TSPAN5: variants seen among roughly 807,000 people sequenced by gnomAD.
The protein encoded by TSPAN5 is tetraspanin-5.
Under a neutral mutation model 37.1 loss-of-function variants are expected in TSPAN5, and 10 were observed. The observed-to-expected ratio is 0.27, with a 90% CI of 0.17 to 0.46. The LOEUF is 0.46. Among genes scored for constraint, TSPAN5 ranks in the 20% least tolerant of loss-of-function variants. The pLI, the probability that TSPAN5 is intolerant of heterozygous loss-of-function variation, is 1.00. For missense variants in TSPAN5, 195 were observed against 326.6 expected, an observed-to-expected ratio of 0.60 and a Z score of 3.11; for synonymous variants, 110 against 118.9, an observed-to-expected ratio of 0.93 and a Z score of 0.48.
At position 98,658,381 on chromosome 4, in the gene TSPAN5, G is replaced by A. The variant is rs1757339037; in HGVS notation, c.-155C>T. The stretch of plus-strand genomic sequence containing the variant: ...GGCTCAGCCGCGCGGGGACCGACCG[G>A]CGGAGAGCGGCTCCCGCACCTCCAG... On this transcript the variant is annotated 5_prime_UTR_variant, in exon 1 of 8. Coordinates refer to ENST00000305798, the MANE Select transcript of TSPAN5 (RefSeq NM_005723.4). The A allele has an allele frequency of 2.1e-6, 1 of 485,006 alleles. No homozygotes were observed. The highest frequency in any genetic ancestry group is 3.5e-6 in the Non-Finnish European group (1 of 284,908). 30.0% of individuals were successfully genotyped at this position (485,006 alleles called of 1,614,324 possible).
At chr4:98,476,119 C>A in intron 7 of TSPAN5, 70 bp downstream of exon 7, 1 of 1,232,774 alleles carries the variant, frequency 8.1e-7, no homozygotes. Context: ...TTAAGCAAAG[C>A]TCCGATCCTG....
At chr4:98,544,296 C>T (rs1249685993) in intron 1 of TSPAN5, among the ~76,000 whole-genome samples, 1 of 152,176 alleles carries the variant, frequency 6.6e-6, no homozygotes, top group African/African-American at 2.4e-5. Context: ...CCCTCAATTT[C>T]ACTGGCTCCA....
chr4:98,643,580 CT>C (rs796639790), intron 1 of TSPAN5, among the ~76,000 whole-genome samples: 39 of 152,242 alleles, frequency 2.6e-4, no homozygotes, highest in African/African-American at 8.9e-4. Context: ...AATAGTGACT[CT>C]GTATCTTTAA....
chr4:98,495,050 C>T (rs6532736), intron 2 of TSPAN5, among the ~76,000 whole-genome samples: 66,899 of 151,942 alleles, frequency 0.44, 14,942 homozygotes, highest in Admixed American at 0.51. Context: ...AGCAGTGGTG[C>T]TGCCACGATG....
At position 98,658,333 on chromosome 4, in the gene TSPAN5, G is replaced by A; in HGVS notation, c.-107C>T. On this transcript the variant is annotated 5_prime_UTR_variant, in exon 1 of 8. Transcript: ENST00000305798. ...GAGCAGGAGCTCAGGGACACCGCAC[G>A]GGGCCGCGGCGCTGGCGGCCTGGGC... is the stretch of plus-strand genomic sequence containing the variant. 4.4e-6 allele frequency: 4 copies of A among 917,150 alleles called. No individual in the cohort carries two copies. Among genetic ancestry groups the A allele is most frequent in the East Asian group, 5.1e-5 (2 of 38,916 alleles). 56.8% of individuals were successfully genotyped at this position (917,150 alleles called of 1,614,324 possible).
intron 1 of TSPAN5, among the ~76,000 whole-genome samples, chr4:98,527,698 C>A (rs1276736663): frequency 6.6e-6 from 1 of 152,208 alleles, no homozygotes; most frequent in African/African-American, 2.4e-5. Flanking sequence ...TCTGATCCTA[C>A]CTACCTCCGG....
At chr4:98,532,009 G>A (rs1754104822) in intron 1 of TSPAN5, among the ~76,000 whole-genome samples, 1 of 152,146 alleles carries the variant, frequency 6.6e-6, no homozygotes, top group Non-Finnish European at 1.5e-5. Flanking sequence ...CTTGTAGGTT[G>A]CCTGTTCACT....
chr4:98,561,195 A>G (rs900029000), intron 1 of TSPAN5, among the ~76,000 whole-genome samples: 1 of 152,252 alleles, frequency 6.6e-6, no homozygotes, highest in South Asian at 2.1e-4. Flanking sequence ...ACCCTTTCAC[A>G]TAAAACGGAA....
intron 1 of TSPAN5, among the ~76,000 whole-genome samples, chr4:98,643,781 A>C (rs1047244318): frequency 6.6e-6 from 1 of 152,224 alleles, no homozygotes; most frequent in Non-Finnish European, 1.5e-5. Context: ...ATTCTTTCAA[A>C]ACCCAATAGA....
chr4:98,490,275 T>TG (rs1753057182), intron 2 of TSPAN5, among the ~76,000 whole-genome samples: 1 of 152,150 alleles, frequency 6.6e-6, no homozygotes, highest in African/African-American at 2.4e-5. Flanking sequence ...AACATACCTA[T>TG]GCCCGAAATA....
At chr4:98,486,692 G>A (rs762929623) in intron 3 of TSPAN5, 46 bp downstream of exon 3, 2 of 1,611,492 alleles carry the variant, frequency 1.2e-6, no homozygotes, top group East Asian at 2.2e-5. Context: ...CTGATGGAAG[G>A]TAAAGTTTTG....
At chr4:98,484,057 C>CGCCGTA in intron 3 of TSPAN5, 4 of 188,242 alleles carry the variant, frequency 2.1e-5, no homozygotes, top group South Asian at 1.1e-4. Context: ...AGTTTTTGTT[C>CGCCGTA]TCACCTCCAT....
At position 98,507,617 on chromosome 4, in the gene TSPAN5, A is replaced by G. The variant is rs1018876096; in HGVS notation, c.132+61T>C. On this transcript the variant is annotated intron_variant, in intron 2 of 7. Transcript: ENST00000305798. ...TGTCAAAGAGAAAGGGGGATAATACATAATATGATGTGCAGCCTCTAACAA... is the reference window on the plus strand; with the variant it reads ...TGTCAAAGAGAAAGGGGGATAATACGTAATATGATGTGCAGCCTCTAACAA... The G allele has an allele frequency of 3.1e-6, 4 of 1,284,828 alleles. No individual in the cohort carries two copies. The African/African-American group carries it at 4.5e-5, about 14-fold the overall frequency. 79.6% of individuals were successfully genotyped at this position (1,284,828 alleles called of 1,614,324 possible).
intron 1 of TSPAN5, among the ~76,000 whole-genome samples, chr4:98,621,831 T>C (rs1285433014): frequency 2.1e-5 from 2 of 95,030 alleles, no homozygotes; most frequent in Non-Finnish European, 4.1e-5. Context: ...GCTTTCTGTC[T>C]CTATGATTTT....
intron 2 of TSPAN5, chr4:98,500,413 G>A (rs1483374380): frequency 6.6e-6 from 1 of 152,230 alleles, no homozygotes; most frequent in Non-Finnish European, 1.5e-5. Flanking sequence ...GCAATATGGG[G>A]GCTAGAGCTC....
chr4:98,507,759 A>T (rs1467500358), intron 1 of TSPAN5, 31 bp from the exon 2 acceptor site: 1 of 1,527,300 alleles, frequency 6.5e-7, no homozygotes, highest in South Asian at 1.2e-5. Context: ...TGTAAATATA[A>T]GGGAAAATGC....
chr4:98,516,486 T>C (rs1403441252), intron 1 of TSPAN5, among the ~76,000 whole-genome samples: 2 of 152,228 alleles, frequency 1.3e-5, no homozygotes, highest in Non-Finnish European at 2.9e-5. Flanking sequence ...CTGGGTTCCA[T>C]GCAATCCCCT....
intron 1 of TSPAN5, among the ~76,000 whole-genome samples, chr4:98,617,164 A>G (rs1579033287): frequency 6.6e-6 from 1 of 152,198 alleles, no homozygotes; most frequent in African/African-American, 2.4e-5. Context: ...TCACTTACAC[A>G]GAAGTAATAT....
At chr4:98,614,237 T>C (rs962557505) in intron 1 of TSPAN5, among the ~76,000 whole-genome samples, 1 of 152,248 alleles carries the variant, frequency 6.6e-6, no homozygotes, top group African/African-American at 2.4e-5. Context: ...TGGAGTCTTA[T>C]GTCTAAATCA....
Sources: gnomAD v4.1 joint callset for allele counts (sites outside exome capture counted in the v4.1 genomes callset) on GRCh38, gnomAD v4.1.1 for gene constraint, MANE v1.5 for transcripts, NCBI Gene and HGNC (gene_info 2026-07-23, HGNC 2026-07-21) for gene names.